Variants in ERI1 observed in about 807,000 individuals in gnomAD.
ERI1 encodes exoribonuclease 1, also known as 3'-5' exoribonuclease 1.
A neutral mutation model predicts 39.7 loss-of-function variants in ERI1; 39 were observed. That is an observed-to-expected ratio of 0.98 (90% CI 0.76 to 1.28). The LOEUF (loss-of-function observed/expected upper bound fraction) is 1.28, where lower values mean the gene tolerates loss of function less well. Among genes scored for constraint, ERI1 ranks in the 50% most tolerant of loss-of-function variants. The pLI is 0.00. For missense variants in ERI1, 581 were observed against 416.9 expected (o/e 1.39, Z -3.43); for synonymous variants, 204 against 149.6 (o/e 1.36, Z -2.65).
chr8:9,036,088 T>C (rs1177383387), downstream of ERI1, among the ~76,000 whole-genome samples: 1 of 152,208 alleles, frequency 6.6e-6, no homozygotes, highest in Non-Finnish European at 1.5e-5. Context: ...GAAAGTGATT[T>C]CTTGAGATGG....
intron 3 of ERI1, among the ~76,000 whole-genome samples, chr8:9,087,684 A>G (rs570685878): frequency 2.3e-4 from 35 of 152,334 alleles, no homozygotes; most frequent in African/African-American, 7.9e-4. Context: ...ACACATTTCA[A>G]TAGATAAATT....
intron 3 of ERI1, among the ~76,000 whole-genome samples, chr8:9,098,236 T>C (rs761414094): frequency 2.0e-5 from 3 of 151,982 alleles, no homozygotes; most frequent in Non-Finnish European, 4.4e-5. Context: ...ATACAAATAA[T>C]TGGCCGAGCG....
intron 3 of ERI1, among the ~76,000 whole-genome samples, chr8:9,099,578 G>A (rs945228578): frequency 1.4e-5 from 2 of 147,166 alleles, no homozygotes; most frequent in Non-Finnish European, 3.0e-5. Context: ...CTGGGCAATA[G>A]AGCGGGACAC....
intron 3 of ERI1, among the ~76,000 whole-genome samples, chr8:9,012,322 G>A (rs115704642): frequency 2.6e-5 from 4 of 152,170 alleles, no homozygotes; most frequent in South Asian, 2.1e-4. Context: ...TTAGATACTT[G>A]TCAGTGCTTT....
At chr8:9,062,077 T>C (rs886068684) in intron 3 of ERI1, among the ~76,000 whole-genome samples, 1 of 151,942 alleles carries the variant, frequency 6.6e-6, no homozygotes, top group Non-Finnish European at 1.5e-5. Context: ...TTAGGACAGG[T>C]GAAATGGGGG....
Position 9,088,438 on chromosome 8 carries a change from G to A in ERI1, n.300-27910G>A, listed in dbSNP as rs540166407. Reference sequence around the variant, plus strand: ...TTGTGCCCATTCTGCTAAAGCTCTCGACATTCTTATTATCATTAAAGAGAA... The same window carrying A: ...TTGTGCCCATTCTGCTAAAGCTCTCAACATTCTTATTATCATTAAAGAGAA... On this transcript the variant is annotated intron_variant and non_coding_transcript_variant, in intron 3 of 3. Coordinates refer to the ERI1 transcript ENST00000518663. 3 of 152,238 alleles carry A rather than the reference G, an allele frequency of 2.0e-5. No individual in the cohort carries two copies. In the South Asian group the frequency reaches 6.2e-4, roughly 32 times the overall value. The allele number at this position is 152,238 out of a possible 1,614,324, so 9.4% of individuals were successfully genotyped here.
At chr8:9,060,342 A>G (rs1798651012) in intron 3 of ERI1, among the ~76,000 whole-genome samples, 1 of 152,094 alleles carries the variant, frequency 6.6e-6, no homozygotes, top group South Asian at 2.1e-4. Flanking sequence ...ACCCAGACTA[A>G]GAGATATTTT....
chr8:9,040,153 C>G (rs533483892), intron 3 of ERI1, among the ~76,000 whole-genome samples: 3 of 152,124 alleles, frequency 2.0e-5, no homozygotes, highest in Admixed American at 1.3e-4. Flanking sequence ...CTGCTTTTTG[C>G]TGTTGGGGCC....
At chr8:9,068,878 G>A (rs1306086900) in intron 3 of ERI1, among the ~76,000 whole-genome samples, 1 of 152,110 alleles carries the variant, frequency 6.6e-6, no homozygotes, top group Non-Finnish European at 1.5e-5. Context: ...GTACAGTGGT[G>A]CAGTCATGGC....
chr8:9,071,094 G>C (rs1443747080), intron 3 of ERI1, among the ~76,000 whole-genome samples: 1 of 152,168 alleles, frequency 6.6e-6, no homozygotes, highest in African/African-American at 2.4e-5. Flanking sequence ...GGCCTGTTTG[G>C]AAAGAGAACT....
intron 3 of ERI1, among the ~76,000 whole-genome samples, chr8:9,015,929 T>A (rs902625702): frequency 1.3e-5 from 2 of 152,174 alleles, no homozygotes; most frequent in African/African-American, 4.8e-5. Context: ...AAAGCTAATT[T>A]ATTATAACTG....
At chr8:9,050,804 T>G (rs1798333420) in intron 3 of ERI1, among the ~76,000 whole-genome samples, 1 of 152,200 alleles carries the variant, frequency 6.6e-6, no homozygotes, top group Non-Finnish European at 1.5e-5. Context: ...GGCCTCTTCC[T>G]TCTTTATGCA....
intron 3 of ERI1, among the ~76,000 whole-genome samples, chr8:9,052,251 C>T (rs1798380050): frequency 6.6e-6 from 1 of 152,106 alleles, no homozygotes; most frequent in Non-Finnish European, 1.5e-5. Flanking sequence ...GTGTTTTTGT[C>T]TCTCTCTGTG....
chr8:9,077,621 A>G (rs1475411178), intron 3 of ERI1, among the ~76,000 whole-genome samples: 3 of 152,226 alleles, frequency 2.0e-5, no homozygotes, highest in African/African-American at 7.2e-5. Context: ...TAATGCAGAG[A>G]AAGTGTCTCA....
At chr8:9,035,355 C>G (rs2117330016), downstream of ERI1, among the ~76,000 whole-genome samples, 1 of 152,258 alleles carries the variant, frequency 6.6e-6, no homozygotes, top group East Asian at 1.9e-4. Flanking sequence ...CTTCAAAGGA[C>G]AGGCTGATTG....
At chr8:9,045,465 C>G (rs558656643) in intron 3 of ERI1, among the ~76,000 whole-genome samples, 1 of 151,858 alleles carries the variant, frequency 6.6e-6, no homozygotes, top group South Asian at 2.1e-4. Context: ...TAGAAACATT[C>G]ATGGATACCA....
In ERI1 at chr8:9,031,195, C is replaced by G. The variant is rs554526598; in HGVS notation, c.*1161C>G. 7 of 152,248 alleles carry G rather than the reference C, an allele frequency of 4.6e-5. No individual in the cohort carries two copies. Among genetic ancestry groups the G allele is most frequent in the African/African-American group, 9.6e-5 (4 of 41,532 alleles). The allele number at this position is 152,248 out of a possible 1,614,324, so 9.4% of individuals were successfully genotyped here. On this transcript the variant is annotated 3_prime_UTR_variant, in exon 7 of 7. Transcript: ENST00000250263. ...CCTTTTAATAAAAATTGTGATGCTA[C>G]TTTATTCTAAAGATTTATATTTTAT...
chr8:9,019,570 T>G (rs1817668877), intron 5 of ERI1, among the ~76,000 whole-genome samples: 1 of 152,118 alleles, frequency 6.6e-6, no homozygotes, highest in Non-Finnish European at 1.5e-5. Context: ...AACCAATCAT[T>G]AGAGTCTCCA....
intron 6 of ERI1, among the ~76,000 whole-genome samples, chr8:9,025,862 C>G (rs892738371): frequency 3.3e-5 from 5 of 151,828 alleles, no homozygotes; most frequent in Admixed American, 3.3e-4. Flanking sequence ...AGAGATAGGA[C>G]CCAACTCTAA....
Sources: allele counts gnomAD v4.1 joint callset (sites outside exome capture counted in the v4.1 genomes callset), GRCh38; gene constraint gnomAD v4.1.1; transcripts MANE v1.5; gene names NCBI Gene and HGNC (gene_info 2026-07-23, HGNC 2026-07-21).